Variants in KCNS3 observed in about 807,000 individuals in gnomAD.
KCNS3 encodes the protein potassium voltage-gated channel modifier subfamily S member 3.
KCNS3 carries 13 observed loss-of-function variants against 31.0 expected under a neutral mutation model. The observed-to-expected ratio is 0.42, with a 90% CI of 0.27 to 0.67. The LOEUF (loss-of-function observed/expected upper bound fraction) is 0.67, where lower values mean the gene tolerates loss of function less well. Ranked by LOEUF, KCNS3 falls within the 30% of genes least tolerant of loss-of-function variation. KCNS3 has a pLI of 0.25. For synonymous variants in KCNS3, 238 were observed against 241.5 expected, an observed-to-expected ratio of 0.99 and a Z score of 0.13; for missense variants, 545 against 622.4, an observed-to-expected ratio of 0.88 and a Z score of 1.32.
chr2:17,904,779 G>A (rs190772985), intron 1 of KCNS3, among the ~76,000 whole-genome samples: 304 of 152,262 alleles, frequency 2.0e-3, no homozygotes, highest in African/African-American at 6.8e-3. Context: ...TAGATGTGTG[G>A]TATTATTTCT....
At chr2:17,902,153 A>G (rs879463030) in intron 1 of KCNS3, among the ~76,000 whole-genome samples, 3 of 152,226 alleles carry the variant, frequency 2.0e-5, no homozygotes, top group Admixed American at 2.0e-4. Flanking sequence ...GACAAATGCT[A>G]TGGACAGATG....
At chr2:17,930,880 G>A in intron 2 of KCNS3, 70 bp from the exon 3 acceptor site, 1 of 997,456 alleles carries the variant, frequency 1.0e-6, no homozygotes, top group Non-Finnish European at 1.5e-6. Context: ...TCCTGGAAAG[G>A]GCAGATTAAA....
At chr2:17,905,774 C>T (rs1307160121) in intron 1 of KCNS3, among the ~76,000 whole-genome samples, 2 of 152,172 alleles carry the variant, frequency 1.3e-5, no homozygotes, top group Non-Finnish European at 2.9e-5. Flanking sequence ...TATTGATTTG[C>T]ATATGTTGAA....
intron 1 of KCNS3, among the ~76,000 whole-genome samples, chr2:17,891,688 TAGTTTTGCTGGATACAA>T (rs1661859065): frequency 6.6e-6 from 1 of 152,204 alleles, no homozygotes; most frequent in African/African-American, 2.4e-5. Context: ...ATATGATGCT[TAGTTTTGCTGGATACAA>T]AATTCTTGGC....
At position 17,932,083 on chromosome 2, in the gene KCNS3, A is replaced by G; in HGVS notation, c.1075A>G (p.Ile359Val). ...DHTSSLTSIP[I>V]CWWWATISMT... ...CACATCCAGCCTCACCAGCATCCCC[A>G]TCTGCTGGTGGTGGGCCACCATCAG... Residue 359 changes from isoleucine to valine, a missense_variant, in exon 3 of 3, where the codon ATC becomes GTC. Coordinates refer to ENST00000304101, the MANE Select transcript of KCNS3 (RefSeq NM_002252.5). 1 of 1,613,784 alleles carries G rather than the reference A, an allele frequency of 6.2e-7. No homozygotes were observed. Among genetic ancestry groups the G allele is most frequent in the Non-Finnish European group, 8.5e-7 (1 of 1,179,936 alleles).
At chr2:17,910,841 G>T (rs1159667556) in intron 1 of KCNS3, among the ~76,000 whole-genome samples, 2 of 152,072 alleles carry the variant, frequency 1.3e-5, no homozygotes, top group Non-Finnish European at 1.5e-5. Flanking sequence ...CAAAGATGTG[G>T]ATAGTACAGG....
In KCNS3 at chr2:17,894,604, T is replaced by G. The variant is rs192369044; in HGVS notation, c.-252+15798T>G. 2.0e-5 allele frequency among the ~76,000 whole-genome samples: 3 copies of G among 152,236 alleles called. No individual in the cohort carries two copies. The East Asian group carries it at 5.8e-4, about 29-fold the overall frequency. ...GTAGGAAACTCACAGAAACTTTGAT[T>G]GTGAACATCAGGTAGAGAAAGCCAC... On this transcript the variant is annotated intron_variant, in intron 1 of 2. Transcript: ENST00000304101.
rs933807490 is a variant in KCNS3 at position 17,932,457 on chromosome 2, C to T, written c.1449C>T (p.Thr483=). The change falls in exon 3 of 3, where the codon ACC becomes ACT. Residue 483 remains threonine (T), a synonymous_variant. Coordinates refer to ENST00000304101, the MANE Select transcript of KCNS3 (RefSeq NM_002252.5). The stretch of plus-strand genomic sequence containing the variant: ...ACAATGAGGACATTTGTAACACCAC[C>T]TCCTTGGAGAATTGCACAGCAAAAT... ...IEDNEDICNT[T]SLENCTAK The T allele has an allele frequency of 2.5e-6, 4 of 1,612,518 alleles. No individual in the cohort carries two copies. In the Admixed American group the frequency reaches 5.0e-5, roughly 20 times the overall value.
chr2:17,916,089 G>A (rs1662581124), intron 1 of KCNS3, among the ~76,000 whole-genome samples: 1 of 152,178 alleles, frequency 6.6e-6, no homozygotes, highest in South Asian at 2.1e-4. Flanking sequence ...GGGATACTTA[G>A]AAATGCTGCA....
chr2:17,902,651 C>T (rs150970800), intron 1 of KCNS3, among the ~76,000 whole-genome samples: 1 of 152,096 alleles, frequency 6.6e-6, no homozygotes, highest in African/African-American at 2.4e-5. Context: ...AATATGTAAG[C>T]AGCCATGCCT....
intron 1 of KCNS3, among the ~76,000 whole-genome samples, chr2:17,915,407 C>T (rs1662566931): frequency 6.6e-6 from 1 of 152,180 alleles, no homozygotes. Flanking sequence ...TGAATGGACA[C>T]ATTTTTCTTC....
rs754569191 is a variant in KCNS3 at position 17,932,223 on chromosome 2, C to T, written c.1215C>T (p.Ile405=). Reference sequence around the variant, plus strand: ...TGGTGGCCCTTCCCATCACCATCATCTTCAACAAGTTTTCCAAGTACTACC... The same window carrying T: ...TGGTGGCCCTTCCCATCACCATCATTTTCAACAAGTTTTCCAAGTACTACC... The part of the protein sequence containing the change: ...ILVVALPITI[I]FNKFSKYYQK... Residue 405 remains isoleucine, a synonymous_variant, in exon 3 of 3, where the codon ATC becomes ATT. Transcript: ENST00000304101. The T allele has an allele frequency of 1.7e-5, 27 of 1,613,914 alleles. No individual in the cohort carries two copies. The highest frequency in any genetic ancestry group is 2.1e-5 in the Non-Finnish European group (25 of 1,179,982).
At chr2:17,912,009 G>A (rs73225038) in intron 1 of KCNS3, among the ~76,000 whole-genome samples, 1 of 152,140 alleles carries the variant, frequency 6.6e-6, no homozygotes, top group Non-Finnish European at 1.5e-5. Flanking sequence ...TATTATTTCA[G>A]CATTTTTAAT....
chr2:17,896,536 CTTT>C (rs531758774), intron 1 of KCNS3, among the ~76,000 whole-genome samples: 1 of 143,850 alleles, frequency 7.0e-6, no homozygotes, highest in African/African-American at 2.5e-5. Context: ...TCCTTAGACT[CTTT>C]TTTTTTTTTG....
intron 2 of KCNS3, among the ~76,000 whole-genome samples, chr2:17,927,335 G>A (rs1462384356): frequency 6.6e-6 from 1 of 152,198 alleles, no homozygotes; most frequent in South Asian, 2.1e-4. Context: ...GTCTTCTTTG[G>A]AATCCTCCAA....
chr2:17,888,385 C>T (rs573381351), intron 1 of KCNS3, among the ~76,000 whole-genome samples: 3 of 151,640 alleles, frequency 2.0e-5, no homozygotes, highest in Admixed American at 6.6e-5. Flanking sequence ...TGTTGATTTT[C>T]GTATAAGATG....
intron 1 of KCNS3, among the ~76,000 whole-genome samples, chr2:17,893,314 G>T (rs1255181453): frequency 6.6e-6 from 1 of 152,182 alleles, no homozygotes; most frequent in African/African-American, 2.4e-5. Context: ...AGAGTGAGAG[G>T]GTCTTGAAAA....
intron 2 of KCNS3, among the ~76,000 whole-genome samples, chr2:17,921,353 C>T (rs1181969346): frequency 6.6e-6 from 1 of 152,056 alleles, no homozygotes; most frequent in East Asian, 1.9e-4. Flanking sequence ...AATCAATCCC[C>T]AATGTTGTGT....
At chr2:17,925,740 C>T (rs1021711282) in intron 2 of KCNS3, among the ~76,000 whole-genome samples, 4 of 152,270 alleles carry the variant, frequency 2.6e-5, no homozygotes, top group African/African-American at 7.2e-5. Context: ...TCCCTTGACA[C>T]GTGGGGATTA....
Sources: allele counts gnomAD v4.1 joint callset (sites outside exome capture counted in the v4.1 genomes callset), GRCh38; gene constraint gnomAD v4.1.1; transcripts MANE v1.5; gene names NCBI Gene and HGNC (gene_info 2026-07-23, HGNC 2026-07-21).